Variants in ARL15 observed in about 807,000 individuals in gnomAD.
ARL15 encodes ARF like GTPase 15.
In ARL15, 19 loss-of-function variants were observed where a neutral mutation model predicts 25.2. The ratio of observed to expected loss-of-function variants is 0.75; its 90% CI spans 0.53 to 1.10. The LOEUF (loss-of-function observed/expected upper bound fraction) is 1.10. Ranked by LOEUF, ARL15 falls within the 50% of genes least tolerant of loss-of-function variation. ARL15 has a pLI of 0.00. For missense variants in ARL15, 220 were observed against 246.0 expected, an observed-to-expected ratio of 0.89 and a Z score of 0.71; for synonymous variants, 94 against 86.8, an observed-to-expected ratio of 1.08 and a Z score of -0.46.
At chr5:53,931,853 TC>T (rs1746203594) in intron 4 of ARL15, among the ~76,000 whole-genome samples, 1 of 152,190 alleles carries the variant, frequency 6.6e-6, no homozygotes, top group Non-Finnish European at 1.5e-5. Context: ...TCAATAACTG[TC>T]TTTTAAGTAA....
intron 1 of ARL15, among the ~76,000 whole-genome samples, chr5:54,200,712 C>T (rs1755698634): frequency 6.6e-6 from 1 of 152,116 alleles, no homozygotes; most frequent in Non-Finnish European, 1.5e-5. Context: ...AGAGAAAATA[C>T]AGGGAATATC....
intron 4 of ARL15, among the ~76,000 whole-genome samples, chr5:54,093,927 C>T (rs905977346): frequency 2.6e-5 from 4 of 152,164 alleles, no homozygotes; most frequent in African/African-American, 7.2e-5. Flanking sequence ...ATGCAACACA[C>T]ACAGTGTTTA....
intron 1 of ARL15, among the ~76,000 whole-genome samples, chr5:54,222,172 G>A (rs991401973): frequency 2.0e-5 from 3 of 152,162 alleles, no homozygotes; most frequent in African/African-American, 7.2e-5. Context: ...AGTTACTTGA[G>A]CTGTCCTTTG....
At chr5:53,904,997 G>T (rs1411972441) in intron 4 of ARL15, among the ~76,000 whole-genome samples, 1 of 152,148 alleles carries the variant, frequency 6.6e-6, no homozygotes, top group Non-Finnish European at 1.5e-5. Flanking sequence ...CAAAGTGCTA[G>T]GATTACAGGT....
chr5:53,955,537 C>T (rs1208643617), intron 4 of ARL15, among the ~76,000 whole-genome samples: 1 of 152,162 alleles, frequency 6.6e-6, no homozygotes, highest in Non-Finnish European at 1.5e-5. Flanking sequence ...GTAGGCACCT[C>T]CAAGTGCCCC....
At position 53,886,517 on chromosome 5, in the gene ARL15, G is replaced by C. The variant is rs1479669605; in HGVS notation, c.*44C>G. 6.6e-7 allele frequency: 1 copy of C among 1,515,916 alleles called. No homozygotes were observed. The highest frequency in any genetic ancestry group is 8.8e-7 in the Non-Finnish European group (1 of 1,134,502). 93.9% of individuals were successfully genotyped at this position (1,515,916 alleles called of 1,614,324 possible). ...TAAAATTAAAATGAGAAACTAACAT[G>C]ATAGGTTCAAGGCCTTTTGGGAGCC... On this transcript the variant is annotated 3_prime_UTR_variant, in exon 5 of 5. Coordinates refer to ENST00000504924, the MANE Select transcript of ARL15 (RefSeq NM_019087.3).
At chr5:54,030,931 T>C (rs1749961276) in intron 4 of ARL15, among the ~76,000 whole-genome samples, 1 of 152,256 alleles carries the variant, frequency 6.6e-6, no homozygotes, top group African/African-American at 2.4e-5. Flanking sequence ...GGTCAACATG[T>C]TAAATTTAAG....
In ARL15 at chr5:54,087,856, A is replaced by C. The variant is rs544074923; in HGVS notation, c.462+25346T>G. On this transcript the variant is annotated intron_variant, in intron 4 of 4. Transcript: ENST00000504924. ...ATGCCCGACTAATTTTTGTATTTTT[A>C]GTAGAGATGAGGCTTCACCATGTTG... 1.7e-3 allele frequency among the ~76,000 whole-genome samples: 223 copies of C among 133,442 alleles called. 1 individual carries two copies. The highest frequency in any genetic ancestry group is 5.7e-3 in the African/African-American group (215 of 37,814). The allele number at this position is 133,442 out of a possible 152,430, so 87.5% of individuals were successfully genotyped here.
At chr5:54,190,275 C>T (rs967867866) in intron 1 of ARL15, among the ~76,000 whole-genome samples, 2 of 152,014 alleles carry the variant, frequency 1.3e-5, no homozygotes, top group East Asian at 1.9e-4. Context: ...CACCTGTAAT[C>T]TCAGCTACTC....
chr5:54,047,039 A>G (rs1341962905), intron 4 of ARL15, among the ~76,000 whole-genome samples: 1 of 152,198 alleles, frequency 6.6e-6, no homozygotes, highest in Non-Finnish European at 1.5e-5. Context: ...ACTTTGGATC[A>G]GGAGGGTCAG....
At chr5:53,936,559 T>A (rs1328377477) in intron 4 of ARL15, among the ~76,000 whole-genome samples, 4 of 152,238 alleles carry the variant, frequency 2.6e-5, no homozygotes, top group Non-Finnish European at 5.9e-5. Flanking sequence ...AGCAAACTTT[T>A]GCATCATTAT....
intron 1 of ARL15, among the ~76,000 whole-genome samples, chr5:54,214,977 C>G (rs1391480100): frequency 6.6e-6 from 1 of 151,988 alleles, no homozygotes; most frequent in African/African-American, 2.4e-5. Flanking sequence ...AGAGTAACAA[C>G]ATGAAAGGGC....
At chr5:54,124,348 C>T (rs1753181024) in intron 3 of ARL15, among the ~76,000 whole-genome samples, 1 of 152,180 alleles carries the variant, frequency 6.6e-6, no homozygotes, top group Non-Finnish European at 1.5e-5. Context: ...GTAATTCTGA[C>T]ATAGGATCAA....
chr5:54,180,948 C>A (rs928346467), intron 1 of ARL15, among the ~76,000 whole-genome samples: 1 of 152,120 alleles, frequency 6.6e-6, no homozygotes, highest in Non-Finnish European at 1.5e-5. Context: ...CTGCGCTGAA[C>A]CAGACCCGGG....
At chr5:54,172,011 G>A in intron 1 of ARL15, 83 bp from the exon 2 acceptor site, 1 of 1,479,106 alleles carries the variant, frequency 6.8e-7, no homozygotes, top group Non-Finnish European at 9.2e-7. Flanking sequence ...GACTGAGTAA[G>A]TATTAAGAGG....
chr5:54,060,544 C>T (rs555509279), intron 4 of ARL15, among the ~76,000 whole-genome samples: 5 of 152,344 alleles, frequency 3.3e-5, no homozygotes, highest in Non-Finnish European at 5.9e-5. Flanking sequence ...GACTTGCTCC[C>T]CCTTGCCTTC....
chr5:54,209,692 G>GA (rs139790359), intron 1 of ARL15, among the ~76,000 whole-genome samples: 30,533 of 149,544 alleles, frequency 0.2, 3,542 homozygotes, highest in Admixed American at 0.31. Context: ...CACATATAAT[G>GA]AAAAAAAAAA....
chr5:53,893,517 A>C (rs942591745), intron 4 of ARL15, among the ~76,000 whole-genome samples: 5 of 152,182 alleles, frequency 3.3e-5, no homozygotes, highest in Non-Finnish European at 7.3e-5. Flanking sequence ...CTGAGGCAGG[A>C]GAATGGCGTG....
At chr5:54,130,757 GA>G (rs1753401986) in intron 3 of ARL15, among the ~76,000 whole-genome samples, 2 of 152,178 alleles carry the variant, frequency 1.3e-5, no homozygotes, top group African/African-American at 4.8e-5. Flanking sequence ...AACTTAGGTA[GA>G]AAATTAAAGA....
Sources: gnomAD v4.1 joint callset for allele counts (sites outside exome capture counted in the v4.1 genomes callset) on GRCh38, gnomAD v4.1.1 for gene constraint, MANE v1.5 for transcripts, NCBI Gene and HGNC (gene_info 2026-07-23, HGNC 2026-07-21) for gene names.